The following DNAJC15 variants were observed in gnomAD, a reference collection of about 807,000 sequenced individuals.
The protein encoded by DNAJC15 is DnaJ heat shock protein family (Hsp40) member C15.
Under a neutral mutation model 22.4 loss-of-function variants are expected in DNAJC15, and 27 were observed. The observed-to-expected ratio is 1.20, with a 90% CI of 0.89 to 1.66. DNAJC15 has a LOEUF of 1.66. Ranked by LOEUF, DNAJC15 falls within the 40% of genes most tolerant of loss-of-function variation. DNAJC15 has a pLI of 0.00. For synonymous variants in DNAJC15, 79 were observed against 63.2 expected, an observed-to-expected ratio of 1.25 and a Z score of -1.19; for missense variants, 208 against 187.1, an observed-to-expected ratio of 1.11 and a Z score of -0.65.
At chr13:43,050,970 T>C (rs1390780744) in intron 1 of DNAJC15, among the ~76,000 whole-genome samples, 2 of 152,136 alleles carry the variant, frequency 1.3e-5, no homozygotes, top group African/African-American at 4.8e-5. Flanking sequence ...TTTTTGTTTC[T>C]TGGTATTTTA....
chr13:43,034,202 TTG>T (rs1352017263), intron 1 of DNAJC15, among the ~76,000 whole-genome samples: 1 of 151,416 alleles, frequency 6.6e-6, no homozygotes, highest in Non-Finnish European at 1.5e-5. Flanking sequence ...GAAAGTCACT[TTG>T]TGCAGCCCAC....
Position 43,112,337 on chromosome 13 carries a change from A to G in DNAJC15, c.*5089A>G, listed in dbSNP as rs1226222369. 6.6e-6 allele frequency: 1 copy of G among 152,254 alleles called. No individual in the cohort carries two copies. The highest frequency in any genetic ancestry group is 2.4e-5 in the African/African-American group (1 of 41,466). The allele number at this position is 152,254 out of a possible 1,614,324, so 9.4% of individuals were successfully genotyped here. A position where few individuals can be genotyped will look rare whatever the true frequency, so the allele number is the denominator to read the frequency against. ...TTTAAGTCTGAACAGACTATATTAC[A>G]TAGATGTAGAGAAATACTCAATCTT... On this transcript the variant is annotated 3_prime_UTR_variant, in exon 6 of 6. Coordinates refer to ENST00000379221, the MANE Select transcript of DNAJC15 (RefSeq NM_013238.3).
chr13:43,024,893 T>TAAGA (rs61705035), intron 1 of DNAJC15, among the ~76,000 whole-genome samples: 4 of 85,944 alleles, frequency 4.7e-5, no homozygotes, highest in African/African-American at 1.8e-4. Context: ...CCATCTCTGC[T>TAAGA]AAAAAAAAAA....
At chr13:43,094,212 T>A (rs1346722326) in intron 5 of DNAJC15, among the ~76,000 whole-genome samples, 2 of 151,670 alleles carry the variant, frequency 1.3e-5, no homozygotes, top group Non-Finnish European at 2.9e-5. Flanking sequence ...CATCTGTGAT[T>A]TTGTAACGTC....
intron 1 of DNAJC15, among the ~76,000 whole-genome samples, chr13:43,045,162 A>G (rs1039509241): frequency 1.3e-5 from 2 of 152,058 alleles, no homozygotes; most frequent in Admixed American, 1.3e-4. Context: ...TTCGTTAGGC[A>G]CACTGGGCAC....
intron 1 of DNAJC15, among the ~76,000 whole-genome samples, chr13:43,035,270 C>T (rs2040424151): frequency 6.6e-6 from 1 of 152,138 alleles, no homozygotes; most frequent in Non-Finnish European, 1.5e-5. Context: ...GAGAAAGAGA[C>T]TCATTAACCT....
chr13:43,047,052 G>T (rs545912659), intron 1 of DNAJC15, among the ~76,000 whole-genome samples: 1 of 152,224 alleles, frequency 6.6e-6, no homozygotes, highest in East Asian at 1.9e-4. Context: ...AATCTGTGAG[G>T]CCAAGAACCC....
intron 5 of DNAJC15, among the ~76,000 whole-genome samples, chr13:43,088,595 A>G (rs999167173): frequency 6.6e-6 from 1 of 152,158 alleles, no homozygotes; most frequent in East Asian, 1.9e-4. Context: ...TCCTTATTAG[A>G]GTGTTTAAGT....
At chr13:43,073,618 TGAAAA>T (rs1465409750) in intron 3 of DNAJC15, among the ~76,000 whole-genome samples, 1 of 152,200 alleles carries the variant, frequency 6.6e-6, no homozygotes, top group African/African-American at 2.4e-5. Context: ...CTTGTTTTCC[TGAAAA>T]GGGTTTCTTT....
chr13:43,101,520 G>A (rs555857677), intron 5 of DNAJC15, among the ~76,000 whole-genome samples: 4 of 152,152 alleles, frequency 2.6e-5, no homozygotes, highest in Non-Finnish European at 5.9e-5. Context: ...CATCACCCAA[G>A]CAGTGTACAC....
intron 1 of DNAJC15, among the ~76,000 whole-genome samples, chr13:43,052,184 C>T (rs369253283): frequency 1.3e-5 from 2 of 151,906 alleles, no homozygotes; most frequent in African/African-American, 2.4e-5. Flanking sequence ...AGGATGGTCT[C>T]GATCTCCTGA....
chr13:43,031,189 A>G (rs1325210003), intron 1 of DNAJC15, among the ~76,000 whole-genome samples: 2 of 152,216 alleles, frequency 1.3e-5, no homozygotes, highest in East Asian at 1.9e-4. Flanking sequence ...GGAATAAACC[A>G]TTATTACCAG....
chr13:43,103,302 T>C (rs1404134668), intron 5 of DNAJC15, among the ~76,000 whole-genome samples: 1 of 152,196 alleles, frequency 6.6e-6, no homozygotes, highest in Non-Finnish European at 1.5e-5. Context: ...TCTGGTGAAC[T>C]GACAGCTTTT....
chr13:43,081,414 TG>T (rs2040660700), intron 4 of DNAJC15, among the ~76,000 whole-genome samples: 1 of 152,030 alleles, frequency 6.6e-6, no homozygotes, highest in African/African-American at 2.4e-5. Context: ...TCAACAGTAT[TG>T]TGTATTATAT....
Position 43,107,342 on chromosome 13 carries a change from T to C in DNAJC15, c.*94T>C, listed in dbSNP as rs2040802342. On this transcript the variant is annotated 3_prime_UTR_variant, in exon 6 of 6. Coordinates refer to ENST00000379221, the MANE Select transcript of DNAJC15 (RefSeq NM_013238.3). ...TTCTAAAACATGGTCTTCTTAATTT[T>C]CTATATGGATTGACCACAGTCTTAT... The C allele has an allele frequency of 9.7e-7, 1 of 1,027,846 alleles. No individual in the cohort carries two copies. The highest frequency in any genetic ancestry group is 1.7e-5 in the African/African-American group (1 of 59,064). The allele number at this position is 1,027,846 out of a possible 1,614,324, so 63.7% of individuals were successfully genotyped here.
chr13:43,024,891 G>A, intron 1 of DNAJC15, among the ~76,000 whole-genome samples: 1 of 15,356 alleles, frequency 6.5e-5, no homozygotes, highest in African/African-American at 2.8e-4. Context: ...CCCCATCTCT[G>A]CTAAAAAAAA....
intron 5 of DNAJC15, among the ~76,000 whole-genome samples, chr13:43,095,165 G>A (rs1378660919): frequency 6.6e-6 from 1 of 152,156 alleles, no homozygotes; most frequent in African/African-American, 2.4e-5. Context: ...CATCCAGGAG[G>A]CTGGTACAGT....
intron 4 of DNAJC15, among the ~76,000 whole-genome samples, chr13:43,079,513 ATCTCT>A (rs1230185771): frequency 6.6e-6 from 1 of 152,152 alleles, no homozygotes; most frequent in African/African-American, 2.4e-5. Flanking sequence ...AAGAGATCTC[ATCTCT>A]TCTTAGATGA....
chr13:43,068,880 T>C, intron 2 of DNAJC15, 50 bp from the exon 3 acceptor site: 1 of 1,513,146 alleles, frequency 6.6e-7, no homozygotes, highest in Non-Finnish European at 9.1e-7. Context: ...AGGTGTTGAT[T>C]GATTTTGATT....
Sources: gnomAD v4.1 joint callset for allele counts (sites outside exome capture counted in the v4.1 genomes callset) on GRCh38, gnomAD v4.1.1 for gene constraint, MANE v1.5 for transcripts, NCBI Gene and HGNC (gene_info 2026-07-23, HGNC 2026-07-21) for gene names.